CTNND2: variants seen among roughly 807,000 people sequenced by gnomAD.
CTNND2 encodes the protein catenin delta 2.
A neutral mutation model predicts 144.4 loss-of-function variants in CTNND2; 22 were observed. The ratio of observed to expected loss-of-function variants is 0.15; its 90% CI spans 0.11 to 0.22. CTNND2 has a LOEUF of 0.22. Ranked by LOEUF, CTNND2 falls within the 10% of genes least tolerant of loss-of-function variation. The pLI, the probability that CTNND2 is intolerant of heterozygous loss-of-function variation, is 1.00. For synonymous variants in CTNND2, 751 were observed against 695.6 expected (o/e 1.08, Z -1.25); for missense variants, 1,353 against 1,618.8 (o/e 0.84, Z 2.82).
intron 1 of CTNND2, among the ~76,000 whole-genome samples, chr5:11,820,819 T>C (rs1263446678): frequency 6.6e-6 from 1 of 152,214 alleles, no homozygotes; most frequent in Non-Finnish European, 1.5e-5. Flanking sequence ...AAGGTGCTTG[T>C]GTCTGCACTT....
At chr5:11,637,367 C>T (rs1287598258) in intron 2 of CTNND2, among the ~76,000 whole-genome samples, 1 of 152,144 alleles carries the variant, frequency 6.6e-6, no homozygotes. Context: ...GCCACAATGC[C>T]AGTTGAGAAG....
chr5:11,225,750 G>A (rs1351860554), intron 10 of CTNND2, among the ~76,000 whole-genome samples: 1 of 152,062 alleles, frequency 6.6e-6, no homozygotes, highest in African/African-American at 2.4e-5. Flanking sequence ...CACACTCTTT[G>A]TTACTCCTTG....
chr5:11,717,530 T>G (rs535531414), intron 2 of CTNND2, among the ~76,000 whole-genome samples: 1 of 145,230 alleles, frequency 6.9e-6, no homozygotes, highest in Non-Finnish European at 1.5e-5. Flanking sequence ...TGAGCTGAGA[T>G]CACGCCACTG....
At chr5:11,103,284 T>C (rs1262742001) in intron 14 of CTNND2, among the ~76,000 whole-genome samples, 1 of 152,024 alleles carries the variant, frequency 6.6e-6, no homozygotes, top group Non-Finnish European at 1.5e-5. Context: ...ACCCGGTCTA[T>C]TTAAAAGAGT....
intron 1 of CTNND2, among the ~76,000 whole-genome samples, chr5:11,869,462 T>A (rs1795925154): frequency 1.3e-5 from 2 of 152,180 alleles, no homozygotes; most frequent in South Asian, 4.1e-4. Flanking sequence ...CTGAGTGAAA[T>A]AAGCCTGATA....
Position 11,879,846 on chromosome 5 carries a change from A to T in CTNND2, c.37+23971T>A, listed in dbSNP as rs372200793. On this transcript the variant is annotated intron_variant, in intron 1 of 21. Transcript: ENST00000304623. ...TATTTCATTTCTTCATCCTCTGGGC[A>T]TATGGAAGGACTGGACTTCCCTCTC... is the stretch of plus-strand genomic sequence containing the variant. Among the ~76,000 whole-genome samples, 24 of 152,314 alleles carry T rather than the reference A, an allele frequency of 1.6e-4. 1 individual carries two copies. In the East Asian group the frequency reaches 2.9e-3, roughly 18 times the overall value.
At chr5:11,129,357 C>T (rs1755332295) in intron 12 of CTNND2, among the ~76,000 whole-genome samples, 1 of 109,866 alleles carries the variant, frequency 9.1e-6, no homozygotes, top group Non-Finnish European at 1.7e-5. Context: ...TTCCTCGGAG[C>T]ATGTGGAAGG....
chr5:11,203,633 C>A (rs1327936182), intron 10 of CTNND2, among the ~76,000 whole-genome samples: 1 of 152,158 alleles, frequency 6.6e-6, no homozygotes, highest in African/African-American at 2.4e-5. Flanking sequence ...CCTCGGTCTC[C>A]CAAATTGCTG....
intron 3 of CTNND2, among the ~76,000 whole-genome samples, chr5:11,473,331 G>A (rs954547402): frequency 1.3e-5 from 2 of 152,144 alleles, no homozygotes; most frequent in Non-Finnish European, 2.9e-5. Flanking sequence ...GTATCTTCTA[G>A]CCCACTCCTG....
intron 2 of CTNND2, among the ~76,000 whole-genome samples, chr5:11,585,486 A>C (rs1453880673): frequency 2.0e-5 from 3 of 146,490 alleles, no homozygotes; most frequent in African/African-American, 7.7e-5. Flanking sequence ...ATCTATGTAT[A>C]TCTATCTATC....
intron 3 of CTNND2, among the ~76,000 whole-genome samples, chr5:11,471,739 T>C (rs1767253635): frequency 6.6e-6 from 1 of 152,202 alleles, no homozygotes. Context: ...ATACAGAAGC[T>C]TGCTGTCCTT....
chr5:11,761,420 C>G (rs1479905398), intron 1 of CTNND2, among the ~76,000 whole-genome samples: 1 of 152,072 alleles, frequency 6.6e-6, no homozygotes, highest in Non-Finnish European at 1.5e-5. Flanking sequence ...GAACTTTGAA[C>G]AGAGGATTAA....
chr5:11,588,372 T>C (rs764479170), intron 2 of CTNND2, among the ~76,000 whole-genome samples: 10 of 152,028 alleles, frequency 6.6e-5, no homozygotes, highest in Non-Finnish European at 1.2e-4. Context: ...TCTCACAGAA[T>C]TGTATGTGAT....
At chr5:11,339,479 T>C (rs1388051593) in intron 9 of CTNND2, among the ~76,000 whole-genome samples, 1 of 152,190 alleles carries the variant, frequency 6.6e-6, no homozygotes, top group Non-Finnish European at 1.5e-5. Context: ...GAAATGGTCC[T>C]GCTGACACCT....
intron 1 of CTNND2, among the ~76,000 whole-genome samples, chr5:11,812,965 A>C (rs1462973153): frequency 1.3e-5 from 2 of 152,108 alleles, no homozygotes; most frequent in Non-Finnish European, 2.9e-5. Flanking sequence ...ATCACCCCCC[A>C]CACACATACT....
intron 1 of CTNND2, among the ~76,000 whole-genome samples, chr5:11,887,216 CT>C (rs1400482444): frequency 6.6e-6 from 1 of 151,934 alleles, no homozygotes; most frequent in Non-Finnish European, 1.5e-5. Context: ...ATCTTCTGAC[CT>C]TGTGATCCGC....
At chr5:11,211,561 G>T (rs958196011) in intron 10 of CTNND2, among the ~76,000 whole-genome samples, 2 of 152,180 alleles carry the variant, frequency 1.3e-5, no homozygotes, top group South Asian at 4.1e-4. Context: ...ACTACGATTT[G>T]GGGCCTTGGG....
chr5:11,519,748 G>A (rs1299189963), intron 3 of CTNND2, among the ~76,000 whole-genome samples: 1 of 152,050 alleles, frequency 6.6e-6, no homozygotes, highest in Non-Finnish European at 1.5e-5. Context: ...TAAATGGAAG[G>A]AAGGAAGGTA....
rs572925271 is a variant in CTNND2, at chr5:11,889,706, T to C, written c.37+14111A>G. ...AATTCTCAGATACAGACATTTCTTATATGAGATGAAATAAAAGTAAACACA... is the reference window on the plus strand; with the variant it reads ...AATTCTCAGATACAGACATTTCTTACATGAGATGAAATAAAAGTAAACACA... On this transcript the variant is annotated intron_variant, in intron 1 of 21. Coordinates refer to ENST00000304623, the MANE Select transcript of CTNND2 (RefSeq NM_001332.4). Among the ~76,000 whole-genome samples the C allele has an allele frequency of 2.6e-4, 39 of 152,356 alleles. No individual in the cohort carries two copies. In the East Asian group the frequency reaches 6.4e-3, roughly 25 times the overall value.
Sources: gnomAD v4.1 joint callset for allele counts (sites outside exome capture counted in the v4.1 genomes callset) on GRCh38, gnomAD v4.1.1 for gene constraint, MANE v1.5 for transcripts, NCBI Gene and HGNC (gene_info 2026-07-23, HGNC 2026-07-21) for gene names.